The following LRCH1 variants were observed in gnomAD, a reference collection of about 807,000 sequenced individuals.
LRCH1 encodes leucine rich repeats and calponin homology domain containing 1, also known as leucine-rich repeat and calponin homology domain-containing protein 1.
Under a neutral mutation model 94.9 loss-of-function variants are expected in LRCH1, and 23 were observed. The ratio of observed to expected loss-of-function variants is 0.24; its 90% CI spans 0.17 to 0.34. The LOEUF (loss-of-function observed/expected upper bound fraction) is 0.34. LRCH1 is among the 10% of genes least tolerant of loss of function. The pLI is 1.00. For missense variants in LRCH1, 790 were observed against 945.9 expected (o/e 0.84, Z 2.16); for synonymous variants, 364 against 354.9 (o/e 1.03, Z -0.29).
At chr13:46,608,621 C>T (rs2137997608) in intron 1 of LRCH1, among the ~76,000 whole-genome samples, 1 of 152,248 alleles carries the variant, frequency 6.6e-6, no homozygotes, top group Admixed American at 6.5e-5. Context: ...GTGCCTTTTT[C>T]CTTCACCCTG....
rs572256257 is a variant in LRCH1 at position 46,669,366 on chromosome 13, T to G, written c.579+210T>G. 2.0e-5 allele frequency among the ~76,000 whole-genome samples: 3 copies of G among 152,338 alleles called. No homozygotes were observed. The East Asian group carries it at 5.8e-4, about 29-fold the overall frequency. ...GTTCCTGGAATTTAAAGGCTTCCTG[T>G]AATTTACAGCTCCTGAAGTTTGCAG... On this transcript the variant is annotated intron_variant, in intron 3 of 19. Transcript: ENST00000389797.
At chr13:46,681,625 TA>T in intron 3 of LRCH1, 115 bp from the exon 4 acceptor site, 1 of 734,464 alleles carries the variant, frequency 1.4e-6, no homozygotes, top group Non-Finnish European at 2.4e-6. Flanking sequence ...GAGATGAATA[TA>T]AAAGTGTACC....
chr13:46,558,392 G>C (rs1412470273), intron 1 of LRCH1, among the ~76,000 whole-genome samples: 1 of 151,688 alleles, frequency 6.6e-6, no homozygotes, highest in Non-Finnish European at 1.5e-5. Context: ...AGATAGAAGT[G>C]CCTATGAATA....
intron 1 of LRCH1, among the ~76,000 whole-genome samples, chr13:46,586,731 T>A (rs1274266190): frequency 6.6e-6 from 1 of 152,208 alleles, no homozygotes; most frequent in Non-Finnish European, 1.5e-5. Flanking sequence ...AGTTAATGTT[T>A]ATTGAGTTCC....
intron 1 of LRCH1, among the ~76,000 whole-genome samples, chr13:46,582,370 CTTTTTTT>C (rs10686269): frequency 7.5e-5 from 6 of 79,588 alleles, no homozygotes; most frequent in African/African-American, 1.5e-4. Flanking sequence ...TTGCTCTCAT[CTTTTTTT>C]TTTTTTTTTT....
chr13:46,664,180 A>T (rs1455862670), intron 2 of LRCH1, among the ~76,000 whole-genome samples: 2 of 152,242 alleles, frequency 1.3e-5, no homozygotes, highest in African/African-American at 4.8e-5. Flanking sequence ...TGAGGGAAAC[A>T]TTAAACCATA....
At chr13:46,623,640 G>A (rs969345212) in intron 1 of LRCH1, among the ~76,000 whole-genome samples, 22 of 149,130 alleles carry the variant, frequency 1.5e-4, no homozygotes, top group African/African-American at 5.4e-4. Context: ...TTCCACCACT[G>A]CTGCCCCGCC....
rs559648460 is a variant in LRCH1 at position 46,669,710 on chromosome 13, A to G, written c.579+554A>G. Among the ~76,000 whole-genome samples, 55 of 152,354 alleles carry G rather than the reference A, an allele frequency of 3.6e-4. 1 individual carries two copies. The highest frequency in any genetic ancestry group is 1.3e-3 in the African/African-American group (53 of 41,582). On this transcript the variant is annotated intron_variant, in intron 3 of 19. Coordinates refer to ENST00000389797, the MANE Select transcript of LRCH1 (RefSeq NM_001164211.2). ...GTGTGTGAAGCTGAGATGCACTGTTATATTTCAGCTCTTTCACTACTAATT... is the reference window on the plus strand; with the variant it reads ...GTGTGTGAAGCTGAGATGCACTGTTGTATTTCAGCTCTTTCACTACTAATT...
At chr13:46,560,893 C>T (rs2050122975) in intron 1 of LRCH1, among the ~76,000 whole-genome samples, 1 of 152,190 alleles carries the variant, frequency 6.6e-6, no homozygotes, top group African/African-American at 2.4e-5. Flanking sequence ...CATTTGGAAA[C>T]CATCTCCTCC....
chr13:46,653,688 G>C (rs888410471), intron 2 of LRCH1, among the ~76,000 whole-genome samples: 1 of 152,038 alleles, frequency 6.6e-6, no homozygotes, highest in East Asian at 1.9e-4. Context: ...AAAAGTAGCC[G>C]GGCGTGGTGG....
rs1370232181 is a variant in LRCH1, at chr13:46,741,772, T to A, written c.2216T>A (p.Ile739Lys). ...TCTGCCCTCCGCTCCAGGGACCTTA[T>A]AGGCTTCTGTCTTGTCCATATTCTC... is the stretch of plus-strand genomic sequence containing the variant. ...PTSALRSRDL[I>K]GFCLVHILFI... Residue 739 changes from isoleucine to lysine, a missense_variant, in exon 20 of 20, where the codon ATA becomes AAA. Around this residue, in one of 3 missense-constraint regions of LRCH1, gnomAD observed 460 missense variants for 508.9 expected, o/e 0.90. Coordinates refer to ENST00000389797, the MANE Select transcript of LRCH1 (RefSeq NM_001164211.2). The A allele has an allele frequency of 5.0e-6, 8 of 1,614,190 alleles. No homozygotes were observed. The highest frequency in any genetic ancestry group is 6.8e-6 in the Non-Finnish European group (8 of 1,180,010).
intron 7 of LRCH1, among the ~76,000 whole-genome samples, chr13:46,690,448 G>A (rs1043708685): frequency 6.6e-6 from 1 of 152,138 alleles, no homozygotes; most frequent in Non-Finnish European, 1.5e-5. Flanking sequence ...AAATTAAACA[G>A]ACTCTGCTTT....
chr13:46,676,848 G>C (rs2051680885), intron 3 of LRCH1, among the ~76,000 whole-genome samples: 1 of 152,178 alleles, frequency 6.6e-6, no homozygotes, highest in Non-Finnish European at 1.5e-5. Context: ...CATGGTCACA[G>C]CTCACTGCAG....
chr13:46,651,868 G>A (rs2051305599), intron 2 of LRCH1, among the ~76,000 whole-genome samples: 1 of 144,514 alleles, frequency 6.9e-6, no homozygotes, highest in East Asian at 2.2e-4. Context: ...GCCTGCTGAT[G>A]TTTTGTTTTT....
At chr13:46,579,211 A>G (rs1431849710) in intron 1 of LRCH1, among the ~76,000 whole-genome samples, 2 of 152,142 alleles carry the variant, frequency 1.3e-5, no homozygotes, top group Admixed American at 1.3e-4. Context: ...TGTGGATGGC[A>G]TCTGATTACG....
chr13:46,583,789 G>A (rs2050399875), intron 1 of LRCH1, among the ~76,000 whole-genome samples: 1 of 147,888 alleles, frequency 6.8e-6, no homozygotes, highest in African/African-American at 2.5e-5. Flanking sequence ...GAGACAGTGT[G>A]TCACTGTGTC....
chr13:46,581,957 C>T (rs936127645), intron 1 of LRCH1, among the ~76,000 whole-genome samples: 2 of 152,088 alleles, frequency 1.3e-5, no homozygotes, highest in South Asian at 2.1e-4. Flanking sequence ...TTAGGCCACC[C>T]TGGCCAATAT....
intron 2 of LRCH1, among the ~76,000 whole-genome samples, chr13:46,662,067 T>C (rs1379849275): frequency 6.6e-6 from 1 of 152,022 alleles, no homozygotes; most frequent in Non-Finnish European, 1.5e-5. Context: ...AAAAATTAGC[T>C]GGGCGTGGTG....
intron 1 of LRCH1, among the ~76,000 whole-genome samples, chr13:46,605,003 G>A (rs905148989): frequency 6.6e-6 from 1 of 152,204 alleles, no homozygotes; most frequent in Non-Finnish European, 1.5e-5. Context: ...CTAATTGACA[G>A]CCAATTATGT....
Sources: allele counts gnomAD v4.1 joint callset (sites outside exome capture counted in the v4.1 genomes callset), GRCh38; gene constraint gnomAD v4.1.1; regional missense constraint gnomAD v4.1.1; transcripts MANE v1.5; gene names NCBI Gene and HGNC (gene_info 2026-07-23, HGNC 2026-07-21).